INPP4B: variants seen among roughly 807,000 people sequenced by gnomAD.
INPP4B encodes the protein inositol polyphosphate 4-phosphatase type II.
A neutral mutation model predicts 122.5 loss-of-function variants in INPP4B; 55 were observed. That is an observed-to-expected ratio of 0.45 (90% CI 0.36 to 0.56). The LOEUF (loss-of-function observed/expected upper bound fraction) is 0.56, where lower values mean the gene tolerates loss of function less well. INPP4B is among the 20% of genes least tolerant of loss of function. The pLI is 0.00. For synonymous variants in INPP4B, 403 were observed against 388.7 expected (o/e 1.04, Z -0.43); for missense variants, 1,000 against 1,097.7 (o/e 0.91, Z 1.26).
At chr4:142,593,116 A>C (rs1362367503) in intron 2 of INPP4B, among the ~76,000 whole-genome samples, 1 of 151,446 alleles carries the variant, frequency 6.6e-6, no homozygotes, top group African/African-American at 2.4e-5. Context: ...AAAAAAAAAA[A>C]AAATGGTAGT....
chr4:142,425,488 C>A (rs1199834923), intron 5 of INPP4B, among the ~76,000 whole-genome samples: 7 of 151,368 alleles, frequency 4.6e-5, no homozygotes, highest in East Asian at 2.0e-4. Flanking sequence ...AAATCACTAA[C>A]CTAATTTACT....
chr4:142,828,317 A>G (rs1466446742), intron 1 of INPP4B, among the ~76,000 whole-genome samples: 1 of 152,178 alleles, frequency 6.6e-6, no homozygotes, highest in Non-Finnish European at 1.5e-5. Context: ...TATAGCTTAC[A>G]CAATACTCAA....
At chr4:142,747,014 T>G (rs1768858859) in intron 1 of INPP4B, among the ~76,000 whole-genome samples, 1 of 151,836 alleles carries the variant, frequency 6.6e-6, no homozygotes. Flanking sequence ...AAGCCAAAAT[T>G]GAAAAATGGG....
At chr4:142,033,413 G>A (rs1741668228) in intron 25 of INPP4B, among the ~76,000 whole-genome samples, 1 of 152,162 alleles carries the variant, frequency 6.6e-6, no homozygotes, top group African/African-American at 2.4e-5. Flanking sequence ...TTGCTGTAGT[G>A]AGTGTTGTGA....
intron 2 of INPP4B, among the ~76,000 whole-genome samples, chr4:142,642,470 T>A (rs1466210269): frequency 3.3e-5 from 5 of 152,232 alleles, no homozygotes; most frequent in African/African-American, 1.2e-4. Context: ...GGATCCAGTT[T>A]CAGCTTTCTA....
chr4:142,712,936 A>G (rs1763292585), intron 2 of INPP4B, among the ~76,000 whole-genome samples: 1 of 152,210 alleles, frequency 6.6e-6, no homozygotes, highest in South Asian at 2.1e-4. Context: ...CAGGCTCTCC[A>G]TATATCAGGT....
At chr4:142,522,774 C>T (rs56030854) in intron 2 of INPP4B, among the ~76,000 whole-genome samples, 7,755 of 152,090 alleles carry the variant, frequency 0.051, 243 homozygotes, top group Non-Finnish European at 0.072. Flanking sequence ...TTCTGTAATA[C>T]CCATTACAAG....
At chr4:142,803,474 A>G (rs1435846357) in intron 1 of INPP4B, among the ~76,000 whole-genome samples, 2 of 146,352 alleles carry the variant, frequency 1.4e-5, no homozygotes, top group Non-Finnish European at 3.1e-5. Flanking sequence ...AGACACAAAG[A>G]CTCTTCTTTA....
At chr4:142,362,466 C>T (rs577886196) in intron 7 of INPP4B, among the ~76,000 whole-genome samples, 2 of 151,382 alleles carry the variant, frequency 1.3e-5, no homozygotes, top group South Asian at 4.2e-4. Flanking sequence ...GGAGGGTGGG[C>T]TAGGGCAGTT....
At chr4:142,251,998 T>C (rs1421915965) in intron 11 of INPP4B, among the ~76,000 whole-genome samples, 1 of 152,212 alleles carries the variant, frequency 6.6e-6, no homozygotes, top group African/African-American at 2.4e-5. Context: ...CTATCGCTTA[T>C]GAGCAAAGGC....
chr4:142,140,769 C>T (rs1807357703), intron 18 of INPP4B, among the ~76,000 whole-genome samples: 1 of 152,098 alleles, frequency 6.6e-6, no homozygotes. Flanking sequence ...TTAAATGTTA[C>T]TTGAATCTTT....
At chr4:142,126,241 T>G (rs898188838) in intron 18 of INPP4B, among the ~76,000 whole-genome samples, 1 of 152,116 alleles carries the variant, frequency 6.6e-6, no homozygotes, top group African/African-American at 2.4e-5. Context: ...AAATTAATTA[T>G]AAAGCAGGAA....
chr4:142,393,063 T>C (rs1021610475), intron 7 of INPP4B, among the ~76,000 whole-genome samples: 4 of 152,160 alleles, frequency 2.6e-5, no homozygotes, highest in African/African-American at 9.6e-5. Context: ...AAATGTCAAA[T>C]GGTATCTTTT....
intron 12 of INPP4B, among the ~76,000 whole-genome samples, chr4:142,235,577 ACG>A (rs1856361195): frequency 6.6e-6 from 1 of 151,882 alleles, no homozygotes; most frequent in Non-Finnish European, 1.5e-5. Context: ...GCCCACCACC[ACG>A]CCTGGATAAT....
chr4:142,818,991 G>A (rs990653586), intron 1 of INPP4B, among the ~76,000 whole-genome samples: 1 of 152,150 alleles, frequency 6.6e-6, no homozygotes, highest in Non-Finnish European at 1.5e-5. Flanking sequence ...CACCAAAAGA[G>A]CAGTTGGCTC....
intron 2 of INPP4B, among the ~76,000 whole-genome samples, chr4:142,497,124 C>G (rs562722180): frequency 6.6e-6 from 1 of 152,080 alleles, no homozygotes; most frequent in Non-Finnish European, 1.5e-5. Context: ...AAAGCCACAT[C>G]TGAATGTTTG....
intron 2 of INPP4B, among the ~76,000 whole-genome samples, chr4:142,522,708 G>C (rs1826259947): frequency 6.6e-6 from 1 of 152,006 alleles, no homozygotes; most frequent in Admixed American, 6.6e-5. Flanking sequence ...CTGAATATAG[G>C]TTGGACACAA....
intron 16 of INPP4B, among the ~76,000 whole-genome samples, chr4:142,163,352 C>G (rs2152917843): frequency 6.6e-6 from 1 of 151,986 alleles, no homozygotes; most frequent in South Asian, 2.1e-4. Context: ...GTATATGCTA[C>G]TAGCCCACTA....
chr4:142,465,242 T>C (rs921607067), intron 2 of INPP4B, among the ~76,000 whole-genome samples: 2 of 151,892 alleles, frequency 1.3e-5, no homozygotes, highest in East Asian at 3.9e-4. Flanking sequence ...CTTTCAGACT[T>C]TTTTTTTGTT....
Sources: allele counts gnomAD v4.1 joint callset (sites outside exome capture counted in the v4.1 genomes callset), GRCh38; gene constraint gnomAD v4.1.1; transcripts MANE v1.5; gene names NCBI Gene and HGNC (gene_info 2026-07-23, HGNC 2026-07-21).